The following ATP7B variants were observed in gnomAD, a reference collection of about 807,000 sequenced individuals.
The protein encoded by ATP7B is ATPase copper transporting beta.
ATP7B carries 113 observed loss-of-function variants against 118.9 expected under a neutral mutation model. That is an observed-to-expected ratio of 0.95 (90% CI 0.82 to 1.11). ATP7B has a LOEUF of 1.11. Among genes scored for constraint, ATP7B ranks in the 50% most tolerant of loss-of-function variants. The pLI is 0.00. For synonymous variants in ATP7B, 777 were observed against 727.4 expected (o/e 1.07, Z -1.10); for missense variants, 1,867 against 1,871.4 (o/e 1.00, Z 0.04).
intron 1 of ATP7B, among the ~76,000 whole-genome samples, chr13:51,987,071 C>T (rs1333317859): frequency 6.6e-6 from 1 of 152,094 alleles, no homozygotes; most frequent in Non-Finnish European, 1.5e-5. Flanking sequence ...CTGGCCAGGG[C>T]AATCAGGCAA....
At chr13:52,011,995 A>ACCGCGGCAAGAGTGAACT (rs1555304816), upstream of ATP7B, 3 of 321,180 alleles carry the variant, frequency 9.3e-6, no homozygotes, top group East Asian at 2.5e-4. Context: ...AAAGGAAGCA[A>ACCGCGGCAAGAGTGAACT]CCGCGGCAAG....
chr13:51,994,516 T>C (rs1296310889), intron 1 of ATP7B, among the ~76,000 whole-genome samples: 1 of 152,222 alleles, frequency 6.6e-6, no homozygotes, highest in Non-Finnish European at 1.5e-5. Flanking sequence ...CCTCCGAGCA[T>C]AGTTATATCC....
At chr13:51,981,168 G>A (rs373687608) in intron 1 of ATP7B, among the ~76,000 whole-genome samples, 5 of 152,154 alleles carry the variant, frequency 3.3e-5, no homozygotes, top group Non-Finnish European at 4.4e-5. Flanking sequence ...TGAGAAATCC[G>A]AGAGGCTCTG....
intron 1 of ATP7B, among the ~76,000 whole-genome samples, chr13:51,989,306 C>T (rs919848917): frequency 5.9e-5 from 9 of 152,122 alleles, no homozygotes; most frequent in African/African-American, 2.2e-4. Flanking sequence ...TAAATTTTAT[C>T]TACTTTAAAA....
At chr13:51,973,173 C>G (rs1463426060) in intron 2 of ATP7B, among the ~76,000 whole-genome samples, 5 of 152,118 alleles carry the variant, frequency 3.3e-5, no homozygotes, top group Non-Finnish European at 7.4e-5. Flanking sequence ...GACTAAGGTT[C>G]TGTTGTTTAG....
chr13:52,006,240 T>C (rs908459886), intron 1 of ATP7B, among the ~76,000 whole-genome samples: 10 of 152,228 alleles, frequency 6.6e-5, no homozygotes, highest in African/African-American at 2.4e-4. Flanking sequence ...TCGATATCTA[T>C]GCTATGGCAT....
chr13:51,970,775 C>G lies in ATP7B; in HGVS notation c.1286-26G>C, dbSNP rs748653702. 5 of 1,610,570 alleles carry G rather than the reference C, an allele frequency of 3.1e-6. No individual in the cohort carries two copies. In the Middle Eastern group the frequency reaches 5.0e-4, roughly 160 times the overall value. ...CTAGGATAAAATGTCAGAAAATATT[C>G]AAATTAGAAGAGCAAATAATATGTT... is the stretch of plus-strand genomic sequence containing the variant. On this transcript the variant is annotated intron_variant, in intron 2 of 20. Coordinates refer to ENST00000242839, the MANE Select transcript of ATP7B (RefSeq NM_000053.4).
intron 1 of ATP7B, among the ~76,000 whole-genome samples, chr13:51,987,979 AT>A (rs1952739510): frequency 6.6e-6 from 1 of 152,240 alleles, no homozygotes; most frequent in Non-Finnish European, 1.5e-5. Flanking sequence ...AGGCAGTACC[AT>A]TCAGGACACA....
chr13:52,008,762 T>C (rs1953893605), intron 1 of ATP7B, among the ~76,000 whole-genome samples: 1 of 152,192 alleles, frequency 6.6e-6, no homozygotes, highest in Non-Finnish European at 1.5e-5. Flanking sequence ...ATCATTCAGG[T>C]CTCTACTCAA....
intron 1 of ATP7B, among the ~76,000 whole-genome samples, chr13:51,981,766 G>T (rs1403904944): frequency 1.3e-5 from 2 of 152,136 alleles, no homozygotes; most frequent in East Asian, 3.8e-4. Flanking sequence ...ATCTTTTGGT[G>T]AGTTATGAAA....
intron 7 of ATP7B, chr13:51,959,168 A>G (rs1958563457): frequency 6.3e-6 from 1 of 157,732 alleles, no homozygotes; most frequent in Non-Finnish European, 1.4e-5. Context: ...TTCTTCTTAT[A>G]CTTCAGTACG....
intron 16 of ATP7B, among the ~76,000 whole-genome samples, chr13:51,940,029 T>G (rs1418553168): frequency 4.6e-5 from 3 of 65,700 alleles, no homozygotes; most frequent in Non-Finnish European, 8.7e-5. Flanking sequence ...TTTTTTTTTT[T>G]GAGACAGAGT....
chr13:52,012,068 G>A (rs747549219), upstream of ATP7B: 33 of 481,318 alleles, frequency 6.9e-5, no homozygotes, highest in Non-Finnish European at 1.1e-4. Context: ...GGCCTCCAAC[G>A]GGCGGCGGGC....
rs752697343 is a variant in ATP7B, at chr13:51,961,818, TC to T, written c.1946+18del. The stretch of plus-strand genomic sequence containing the variant: ...GGACTTAGATGAGAGCTGGAGTTTA[TC>T]TTTTGTGTTCTACCTACTGCTTTAT... On this transcript the variant is annotated intron_variant, in intron 6 of 20. Transcript: ENST00000242839. The T allele has an allele frequency of 6.2e-7, 1 of 1,608,474 alleles. No homozygotes were observed. Among genetic ancestry groups the T allele is most frequent in the Non-Finnish European group, 8.5e-7 (1 of 1,174,876 alleles).
chr13:51,967,094 T>C lies in ATP7B; in HGVS notation c.1707+1350A>G. 4 of 1,597,230 alleles carry C rather than the reference T, an allele frequency of 2.5e-6. No homozygotes were observed. The South Asian group carries it at 3.3e-5, about 13-fold the overall frequency. ...AAATTGAAAGATGGGAAATTAGTGG[T>C]GGAGTGTGTCATGAACAATGTCACC... On this transcript the variant is annotated intron_variant, in intron 4 of 20. Transcript: ENST00000242839.
intron 17 of ATP7B, among the ~76,000 whole-genome samples, chr13:51,938,538 C>T (rs1337637315): frequency 6.6e-6 from 1 of 152,226 alleles, no homozygotes; most frequent in Non-Finnish European, 1.5e-5. Context: ...GAGCTCTGCA[C>T]ACATTTGGAG....
At position 51,934,640 on chromosome 13, in the gene ATP7B, G is replaced by C; in HGVS notation, c.*116C>G. ...AGGGCAGGATGACTGGACATATCCA[G>C]GGAGCGGAAGTCCCCAAAGCTGGAG... is the stretch of plus-strand genomic sequence containing the variant. On this transcript the variant is annotated 3_prime_UTR_variant, in exon 21 of 21. Transcript: ENST00000242839. 6.7e-7 allele frequency: 1 copy of C among 1,495,020 alleles called. No individual in the cohort carries two copies. Among genetic ancestry groups the C allele is most frequent in the Non-Finnish European group, 9.1e-7 (1 of 1,094,556 alleles). The allele number at this position is 1,495,020 out of a possible 1,614,324, so 92.6% of individuals were successfully genotyped here.
At chr13:52,011,258 C>T (rs1322851397) in intron 1 of ATP7B, 29 bp downstream of exon 1, 2 of 1,614,064 alleles carry the variant, frequency 1.2e-6, no homozygotes, top group African/African-American at 2.7e-5. Flanking sequence ...AGTGAGCACG[C>T]TGCGCGGACG....
chr13:51,996,409 G>A (rs1181251700), intron 1 of ATP7B, among the ~76,000 whole-genome samples: 2 of 152,132 alleles, frequency 1.3e-5, no homozygotes, highest in Non-Finnish European at 2.9e-5. Flanking sequence ...ACCACTCGGG[G>A]ACCAGAAGGA....
Sources: allele counts gnomAD v4.1 joint callset (sites outside exome capture counted in the v4.1 genomes callset), GRCh38; gene constraint gnomAD v4.1.1; transcripts MANE v1.5; gene names NCBI Gene and HGNC (gene_info 2026-07-23, HGNC 2026-07-21).